The following L3MBTL4 variants were observed in gnomAD, a reference collection of about 807,000 sequenced individuals.
L3MBTL4 encodes the protein lethal(3)malignant brain tumor-like protein 4.
In L3MBTL4, 70 loss-of-function variants were observed where a neutral mutation model predicts 84.5. That is an observed-to-expected ratio of 0.83 (90% CI 0.68 to 1.01). The LOEUF (loss-of-function observed/expected upper bound fraction) is 1.01. Among genes scored for constraint, L3MBTL4 ranks in the 50% least tolerant of loss-of-function variants. The probability of loss-of-function intolerance (pLI) is 0.00; values close to 1 mark genes in which losing one functional copy is unlikely to be tolerated. For synonymous variants in L3MBTL4, 274 were observed against 259.8 expected (o/e 1.05, Z -0.52); for missense variants, 715 against 754.8 (o/e 0.95, Z 0.62).
At chr18:6,080,007 CCTGAAGTGAGCAGTTCAGCA>C (rs1483846369) in intron 16 of L3MBTL4, 1 of 152,338 alleles carries the variant, frequency 6.6e-6, no homozygotes, top group East Asian at 1.9e-4. Context: ...TCCATCTCTG[CCTGAAGTGAGCAGTTCAGCA>C]CTGCTCCCTG....
At chr18:6,111,140 G>C (rs894655841) in intron 14 of L3MBTL4, among the ~76,000 whole-genome samples, 4 of 152,214 alleles carry the variant, frequency 2.6e-5, no homozygotes, top group Admixed American at 2.6e-4. Flanking sequence ...ATAAGATGGA[G>C]CCGGAGAGGT....
At chr18:6,024,376 A>G (rs947213630) in intron 16 of L3MBTL4, among the ~76,000 whole-genome samples, 3 of 152,226 alleles carry the variant, frequency 2.0e-5, no homozygotes, top group African/African-American at 7.2e-5. Context: ...AACAGTGACT[A>G]AGGAGCCCAT....
chr18:6,053,946 T>C (rs2056924911), intron 16 of L3MBTL4, among the ~76,000 whole-genome samples: 1 of 152,254 alleles, frequency 6.6e-6, no homozygotes. Context: ...TTAAGTTCTA[T>C]ACTTCAGAAT....
intron 16 of L3MBTL4, among the ~76,000 whole-genome samples, chr18:5,983,803 AT>A (rs2053345531): frequency 1.3e-5 from 2 of 151,984 alleles, no homozygotes; most frequent in African/African-American, 4.8e-5. Flanking sequence ...ACTGCCTCTG[AT>A]TTTTCAGTCT....
intron 14 of L3MBTL4, among the ~76,000 whole-genome samples, chr18:6,098,404 G>T (rs1394176808): frequency 1.3e-5 from 2 of 152,120 alleles, no homozygotes; most frequent in Admixed American, 6.5e-5. Context: ...AACGCCAATG[G>T]TCATTTTTTC....
rs115521260 is a variant in L3MBTL4, at chr18:6,203,276, G to A, written c.981+9873C>T. On this transcript the variant is annotated intron_variant, in intron 12 of 18. Coordinates refer to ENST00000317931, the MANE Select transcript of L3MBTL4 (RefSeq NM_001330559.2). Reference sequence around the variant, plus strand: ...TCCACAAAAAAACAGGCTAGATAGGGAAACGCTGATTGAGGTAGGATAGCC... The same window carrying A: ...TCCACAAAAAAACAGGCTAGATAGGAAAACGCTGATTGAGGTAGGATAGCC... 2.9e-3 allele frequency among the ~76,000 whole-genome samples: 447 copies of A among 152,294 alleles called. 3 individuals are homozygous for A. The highest frequency in any genetic ancestry group is 0.01 in the African/African-American group (429 of 41,562).
intron 1 of L3MBTL4, among the ~76,000 whole-genome samples, chr18:6,362,679 T>G (rs2053758982): frequency 6.6e-6 from 1 of 152,212 alleles, no homozygotes; most frequent in Non-Finnish European, 1.5e-5. Flanking sequence ...AATGTGCACT[T>G]TTTCCAATAA....
At chr18:6,008,339 C>A (rs747540273) in intron 16 of L3MBTL4, among the ~76,000 whole-genome samples, 3 of 152,102 alleles carry the variant, frequency 2.0e-5, no homozygotes, top group African/African-American at 4.8e-5. Flanking sequence ...CAAGGAAGGT[C>A]GATCTGTATC....
intron 13 of L3MBTL4, among the ~76,000 whole-genome samples, chr18:6,149,978 T>C (rs930091817): frequency 2.8e-4 from 43 of 152,172 alleles, no homozygotes; most frequent in African/African-American, 1.0e-3. Flanking sequence ...ATTGTACTTA[T>C]TCATGTAAGG....
At chr18:6,370,205 A>T (rs1245536597) in intron 1 of L3MBTL4, among the ~76,000 whole-genome samples, 2 of 151,766 alleles carry the variant, frequency 1.3e-5, no homozygotes, top group Non-Finnish European at 2.9e-5. Context: ...GGGAAGGCAT[A>T]GGTGAGATTT....
At chr18:6,256,736 C>T (rs1199870870) in intron 5 of L3MBTL4, 1 of 152,108 alleles carries the variant, frequency 6.6e-6, no homozygotes, top group Non-Finnish European at 1.5e-5. Context: ...AACAACGTGA[C>T]CCACTAAGGA....
intron 4 of L3MBTL4, among the ~76,000 whole-genome samples, chr18:6,276,128 C>T (rs2049068205): frequency 6.6e-6 from 1 of 152,200 alleles, no homozygotes. Flanking sequence ...TGTCTCTTAC[C>T]TACCTATGAC....
intron 14 of L3MBTL4, among the ~76,000 whole-genome samples, chr18:6,122,471 A>C (rs1263035794): frequency 6.6e-6 from 1 of 152,246 alleles, no homozygotes; most frequent in African/African-American, 2.4e-5. Flanking sequence ...AGAGTGAATA[A>C]GTCTCACAAT....
intron 14 of L3MBTL4, among the ~76,000 whole-genome samples, chr18:6,122,650 G>A (rs747232560): frequency 5.9e-5 from 9 of 152,086 alleles, no homozygotes; most frequent in South Asian, 2.1e-4. Context: ...TGTAAATTGC[G>A]CAGTCTTGGG....
rs762450756 is a variant in L3MBTL4, at chr18:6,244,493, A to C, written c.315T>G (p.Ser105=). 3.1e-6 allele frequency: 5 copies of C among 1,610,242 alleles called. No homozygotes were observed. In the East Asian group the frequency reaches 1.1e-4, roughly 36 times the overall value. The part of the protein sequence containing the change: ...PRHPSVFCVL[S]VAEVCGYRLR... ...TAACACCACCTCTTACCTCCGCTACAGAAAGCACACAGAATACCGATGGAT... is the reference window on the plus strand; with the variant it reads ...TAACACCACCTCTTACCTCCGCTACCGAAAGCACACAGAATACCGATGGAT... Residue 105 remains serine, a synonymous_variant, in exon 6 of 19, where the codon TCT becomes TCG. Transcript: ENST00000317931.
chr18:6,312,270 CA>C (rs1671543522), intron 1 of L3MBTL4, among the ~76,000 whole-genome samples: 1 of 152,154 alleles, frequency 6.6e-6, no homozygotes, highest in South Asian at 2.1e-4. Context: ...ATAATGTTAA[CA>C]ATTGAAATAT....
At chr18:6,386,306 G>T (rs1313515219) in intron 1 of L3MBTL4, among the ~76,000 whole-genome samples, 1 of 152,206 alleles carries the variant, frequency 6.6e-6, no homozygotes, top group African/African-American at 2.4e-5. Flanking sequence ...GGTGCAGACG[G>T]CCTGCCATTG....
Position 6,226,261 on chromosome 18 carries a change from C to G in L3MBTL4, c.785-10426G>C, listed in dbSNP as rs117511920. On this transcript the variant is annotated intron_variant, in intron 10 of 18. Transcript: ENST00000317931. ...ATCTCTACTAAAAGTACAAAAATAG[C>G]TGAGTGTCATGGTGCACACCTGTAA... is the stretch of plus-strand genomic sequence containing the variant. Among the ~76,000 whole-genome samples the G allele has an allele frequency of 9.8e-3, 1,488 of 152,044 alleles. 10 individuals are homozygous for G. The highest frequency in any genetic ancestry group is 0.015 in the Non-Finnish European group (986 of 67,972).
chr18:6,048,657 C>T (rs1324005323), intron 16 of L3MBTL4, among the ~76,000 whole-genome samples: 7 of 151,854 alleles, frequency 4.6e-5, no homozygotes, highest in Middle Eastern at 3.2e-3. Context: ...GGTGTGGTGG[C>T]GGGCACCTAT....
Sources: gnomAD v4.1 joint callset for allele counts (sites outside exome capture counted in the v4.1 genomes callset) on GRCh38, gnomAD v4.1.1 for gene constraint, MANE v1.5 for transcripts, NCBI Gene and HGNC (gene_info 2026-07-23, HGNC 2026-07-21) for gene names.